LRRC4C: variants seen among roughly 807,000 people sequenced by gnomAD.
The protein encoded by LRRC4C is leucine rich repeat containing 4C.
LRRC4C carries 5 observed loss-of-function variants against 33.6 expected under a neutral mutation model. The observed-to-expected ratio is 0.15, with a 90% CI of 0.08 to 0.31. The LOEUF (loss-of-function observed/expected upper bound fraction) is 0.31. Ranked by LOEUF, LRRC4C falls within the 10% of genes least tolerant of loss-of-function variation. The pLI, the probability that LRRC4C is intolerant of heterozygous loss-of-function variation, is 1.00. For synonymous variants in LRRC4C, 329 were observed against 302.0 expected, an observed-to-expected ratio of 1.09 and a Z score of -0.93; for missense variants, 560 against 796.7, an observed-to-expected ratio of 0.70 and a Z score of 3.58.
chr11:41,458,492 G>A (rs1489174170), intron 1 of LRRC4C, among the ~76,000 whole-genome samples: 2 of 145,392 alleles, frequency 1.4e-5, no homozygotes, highest in African/African-American at 5.1e-5. Context: ...ATAACTTTGG[G>A]ATTGAAACAG....
At chr11:40,660,878 T>G (rs2136208740) in intron 2 of LRRC4C, among the ~76,000 whole-genome samples, 1 of 152,320 alleles carries the variant, frequency 6.6e-6, no homozygotes, top group South Asian at 2.1e-4. Flanking sequence ...GATGAAATCT[T>G]TGCAAATTAT....
At chr11:41,363,961 C>A (rs979126783) in intron 1 of LRRC4C, among the ~76,000 whole-genome samples, 3 of 152,158 alleles carry the variant, frequency 2.0e-5, no homozygotes, top group African/African-American at 7.2e-5. Context: ...GGTTCCCACT[C>A]AAAACCCCAT....
intron 2 of LRRC4C, among the ~76,000 whole-genome samples, chr11:40,896,672 T>TA (rs1295777463): frequency 6.6e-6 from 1 of 151,916 alleles, no homozygotes; most frequent in Non-Finnish European, 1.5e-5. Flanking sequence ...TGCAAATATA[T>TA]ATAATATATG....
intron 2 of LRRC4C, among the ~76,000 whole-genome samples, chr11:40,799,308 AC>A (rs1950951793): frequency 6.6e-6 from 1 of 152,146 alleles, no homozygotes; most frequent in African/African-American, 2.4e-5. Context: ...ATGTATCAAA[AC>A]ATCACATTGT....
At chr11:40,609,524 G>A (rs1007906528) in intron 3 of LRRC4C, among the ~76,000 whole-genome samples, 5 of 151,612 alleles carry the variant, frequency 3.3e-5, no homozygotes, top group African/African-American at 9.7e-5. Context: ...TAAGTTCAAA[G>A]TTAAAAGAAG....
rs116079189 is a variant in LRRC4C at position 41,457,308 on chromosome 11, C to T, written c.-496+2123G>A. On this transcript the variant is annotated intron_variant, in intron 1 of 6. Transcript: ENST00000528697. The stretch of plus-strand genomic sequence containing the variant: ...GGACCTCTCTCTATTCAGAACAGTC[C>T]TAACACTAAATAGATGACCTAAAAT... 6.6e-3 allele frequency among the ~76,000 whole-genome samples: 1,002 copies of T among 152,184 alleles called. 13 individuals carry two copies. Among genetic ancestry groups the T allele is most frequent in the African/African-American group, 0.023 (972 of 41,530 alleles).
intron 3 of LRRC4C, among the ~76,000 whole-genome samples, chr11:40,482,963 C>T (rs561897169): frequency 6.6e-6 from 1 of 152,264 alleles, no homozygotes; most frequent in Middle Eastern, 3.4e-3. Flanking sequence ...TATAACATCT[C>T]CATGGATTTT....
chr11:40,503,880 A>G lies in LRRC4C; in HGVS notation c.-270+144262T>C, dbSNP rs1954902733. ...TGATGCTTTTGATACATTTGTGTGG[A>G]TATCTTTCTGCAGTGTTCCATGGTG... On this transcript the variant is annotated intron_variant, in intron 3 of 6. Coordinates refer to ENST00000528697, the MANE Select transcript of LRRC4C (RefSeq NM_001258419.2). Among the ~76,000 whole-genome samples, 7 of 152,246 alleles carry G rather than the reference A, an allele frequency of 4.6e-5. No individual in the cohort carries two copies. In the South Asian group the frequency reaches 1.5e-3, roughly 32 times the overall value.
At chr11:40,709,986 G>A (rs1000520673) in intron 2 of LRRC4C, among the ~76,000 whole-genome samples, 1 of 152,016 alleles carries the variant, frequency 6.6e-6, no homozygotes, top group Non-Finnish European at 1.5e-5. Flanking sequence ...AAATTGGCTA[G>A]TGAAGCTTGT....
intron 1 of LRRC4C, among the ~76,000 whole-genome samples, chr11:41,304,062 G>A (rs1406482505): frequency 1.6e-4 from 9 of 57,132 alleles, no homozygotes; most frequent in East Asian, 1.0e-3. Context: ...TCAGCCCCCC[G>A]CCCAGCCAGC....
At chr11:40,607,782 CA>C (rs749049874) in intron 3 of LRRC4C, among the ~76,000 whole-genome samples, 2 of 152,140 alleles carry the variant, frequency 1.3e-5, no homozygotes, top group Non-Finnish European at 2.9e-5. Flanking sequence ...CTGATTAACA[CA>C]AGCCACCTGC....
intron 4 of LRRC4C, among the ~76,000 whole-genome samples, chr11:40,297,067 T>C (rs11035770): frequency 0.17 from 26,478 of 152,190 alleles, 2,883 homozygotes; most frequent in Admixed American, 0.3. Context: ...ATAGCTGGTG[T>C]AATCATTAGC....
At chr11:40,623,578 A>G (rs912933720) in intron 3 of LRRC4C, among the ~76,000 whole-genome samples, 2 of 152,076 alleles carry the variant, frequency 1.3e-5, no homozygotes, top group African/African-American at 2.4e-5. Flanking sequence ...ATTCACAGTA[A>G]TTCCAAGCAT....
intron 1 of LRRC4C, among the ~76,000 whole-genome samples, chr11:41,449,191 A>G (rs576260838): frequency 6.6e-6 from 1 of 152,324 alleles, no homozygotes; most frequent in African/African-American, 2.4e-5. Flanking sequence ...CAGAGGCTAG[A>G]GCAAAGGATG....
chr11:40,251,545 A>C (rs747257964), intron 4 of LRRC4C, among the ~76,000 whole-genome samples: 1 of 152,196 alleles, frequency 6.6e-6, no homozygotes, highest in Non-Finnish European at 1.5e-5. Context: ...AAGGAAAATA[A>C]GAATAACTAA....
intron 2 of LRRC4C, among the ~76,000 whole-genome samples, chr11:40,850,705 T>C (rs955821742): frequency 6.6e-6 from 1 of 152,202 alleles, no homozygotes; most frequent in African/African-American, 2.4e-5. Flanking sequence ...CAGGAAGGTT[T>C]AAGTCTGCTG....
At chr11:41,291,313 A>C (rs1949986506) in intron 1 of LRRC4C, among the ~76,000 whole-genome samples, 1 of 152,158 alleles carries the variant, frequency 6.6e-6, no homozygotes, top group Admixed American at 6.5e-5. Context: ...GGGGTAATAA[A>C]TAAAAGCTGA....
At chr11:40,492,180 T>G (rs546165280) in intron 3 of LRRC4C, among the ~76,000 whole-genome samples, 1 of 152,228 alleles carries the variant, frequency 6.6e-6, no homozygotes, top group Non-Finnish European at 1.5e-5. Flanking sequence ...TTTGTTTGCC[T>G]GGCTTGAAAA....
intron 5 of LRRC4C, among the ~76,000 whole-genome samples, chr11:40,192,127 T>C (rs1861893203): frequency 6.6e-6 from 1 of 152,074 alleles, no homozygotes; most frequent in Admixed American, 6.5e-5. Flanking sequence ...TTTGGCTATA[T>C]TGTATTTCAA....
Sources: allele counts gnomAD v4.1 joint callset (sites outside exome capture counted in the v4.1 genomes callset), GRCh38; gene constraint gnomAD v4.1.1; transcripts MANE v1.5; gene names NCBI Gene and HGNC (gene_info 2026-07-23, HGNC 2026-07-21).